Variants in THYN1 observed in about 807,000 individuals in gnomAD.
THYN1 encodes thymocyte nuclear protein 1.
THYN1 carries 32 observed loss-of-function variants against 30.6 expected under a neutral mutation model. The ratio of observed to expected loss-of-function variants is 1.05; its 90% CI spans 0.79 to 1.40. The LOEUF (loss-of-function observed/expected upper bound fraction) is 1.40, where lower values mean the gene tolerates loss of function less well. Among genes scored for constraint, THYN1 ranks in the 40% most tolerant of loss-of-function variants. The pLI, the probability that THYN1 is intolerant of heterozygous loss-of-function variation, is 0.00. For missense variants in THYN1, 259 were observed against 272.6 expected (o/e 0.95, Z 0.35); for synonymous variants, 107 against 90.8 (o/e 1.18, Z -1.01).
rs1252721714 is a variant in THYN1 at position 134,249,890 on chromosome 11, C to T, written c.322G>A (p.Gly108Arg). Reference protein sequence around the residue: ...ARNFLRAMKLGEEAFFYHSNC... With the variant: ...ARNFLRAMKLREEAFFYHSNC... ...CTATGGTAGAAGAAGGCTTCTTCTC[C>T]CAGCTTCATGGCTCTAAGGAAGTTC... The change falls in exon 4 of 7, where the codon GGA becomes AGA. Residue 108 changes from glycine to arginine, a missense_variant. Physicochemically the swap from Gly to Arg is moderately radical, Grantham distance 125. Coordinates refer to ENST00000341541, the MANE Select transcript of THYN1 (RefSeq NM_014174.3). The T allele has an allele frequency of 1.2e-6, 2 of 1,614,070 alleles. No homozygotes were observed. The highest frequency in any genetic ancestry group is 8.5e-7 in the Non-Finnish European group (1 of 1,179,982).
At chr11:134,250,069 C>A in intron 3 of THYN1, 149 bp from the exon 4 acceptor site, 1 of 981,200 alleles carries the variant, frequency 1.0e-6, no homozygotes, top group Non-Finnish European at 1.5e-6. Flanking sequence ...GCCAGGACAC[C>A]CAGACTTTTA....
At position 134,252,989 on chromosome 11, in the gene THYN1, G is replaced by T; in HGVS notation, c.-107C>A. On this transcript the variant is annotated 5_prime_UTR_variant, in exon 1 of 7. Coordinates refer to ENST00000341541, the MANE Select transcript of THYN1 (RefSeq NM_014174.3). ...CCGCGCAGAGCGAGATGGAGGCAAC[G>T]AGAGGCAGCCTAGAACGTCTCCAAC... The T allele has an allele frequency of 6.7e-7, 1 of 1,483,616 alleles. No homozygotes were observed. Among genetic ancestry groups the T allele is most frequent in the Non-Finnish European group, 8.9e-7 (1 of 1,121,390 alleles). 91.9% of individuals were successfully genotyped at this position (1,483,616 alleles called of 1,614,324 possible).
At position 134,252,843 on chromosome 11, in the gene THYN1, A is replaced by T. The variant is rs1939175109; in HGVS notation, c.40T>A (p.Ser14Thr). ...PRKRLAGTSG[S>T]DKGLSGKRTK... ...GTGCAGCCTAGGGGCAGCTCACCTG[A>T]ACCAGAAGTCCCAGCCAGCCTCTTC... Residue 14 changes from serine to threonine, a missense_variant, in exon 1 of 7, where the codon TCA becomes ACA. By Grantham distance (58) the Ser-to-Thr change is moderately conservative. Coordinates refer to ENST00000341541, the MANE Select transcript of THYN1 (RefSeq NM_014174.3). 6.2e-7 allele frequency: 1 copy of T among 1,612,126 alleles called. No individual in the cohort carries two copies. Among genetic ancestry groups the T allele is most frequent in the Non-Finnish European group, 8.5e-7 (1 of 1,179,464 alleles).
In THYN1 at chr11:134,252,823, GC is replaced by G; in HGVS notation, c.43+16del. The G allele has an allele frequency of 6.2e-7, 1 of 1,613,702 alleles. No individual in the cohort carries two copies. On this transcript the variant is annotated intron_variant, in intron 1 of 6. Coordinates refer to ENST00000341541, the MANE Select transcript of THYN1 (RefSeq NM_014174.3). ...TTTTTTCTTGGGCTGCCTTTGTGCA[GC>G]CTAGGGGCAGCTCACCTGAACCAGA...
chr11:134,253,322 C>T lies in THYN1; in HGVS notation c.-440G>A. On this transcript the variant is annotated 5_prime_UTR_variant, in exon 1 of 7. Coordinates refer to ENST00000341541, the MANE Select transcript of THYN1 (RefSeq NM_014174.3). ...ACCCAACACTCTGCAGACTCGACTG[C>T]GGTCCGCCTCCGCTGCGCCGCAGGC... 7.2e-7 allele frequency: 1 copy of T among 1,398,588 alleles called. No homozygotes were observed. Among genetic ancestry groups the T allele is most frequent in the Non-Finnish European group, 9.3e-7 (1 of 1,077,162 alleles). The allele number at this position is 1,398,588 out of a possible 1,614,324, so 86.6% of individuals were successfully genotyped here.
chr11:134,252,935 C>A lies in THYN1; in HGVS notation c.-53G>T, dbSNP rs527633023. ...GACGATTCTGGAATCAACGGAGATACAAGAAAGAATGCTAATGTCCTCCAA... is the reference window on the plus strand; with the variant it reads ...GACGATTCTGGAATCAACGGAGATAAAAGAAAGAATGCTAATGTCCTCCAA... On this transcript the variant is annotated 5_prime_UTR_variant, in exon 1 of 7. Transcript: ENST00000341541. The A allele has an allele frequency of 2.6e-6, 4 of 1,530,260 alleles. No homozygotes were observed. Among genetic ancestry groups the A allele is most frequent in the South Asian group, 2.5e-5 (2 of 81,078 alleles). 94.8% of individuals were successfully genotyped at this position (1,530,260 alleles called of 1,614,324 possible). A position where few individuals can be genotyped will look rare whatever the true frequency, so the allele number is the denominator to read the frequency against.
In THYN1 at chr11:134,253,193, T is replaced by C. The variant is rs948483273; in HGVS notation, c.-311A>G. The C allele has an allele frequency of 6.0e-6, 8 of 1,328,804 alleles. No homozygotes were observed. The highest frequency in any genetic ancestry group is 7.7e-6 in the Non-Finnish European group (8 of 1,042,276). 82.3% of individuals were successfully genotyped at this position (1,328,804 alleles called of 1,614,324 possible). A position where few individuals can be genotyped will look rare whatever the true frequency, so the allele number is the denominator to read the frequency against. On this transcript the variant is annotated 5_prime_UTR_variant, in exon 1 of 7. Transcript: ENST00000341541. ...TGGGAAGTGGCTCCACAGAGACACTTTTGTTGGGTGAATATAAGTAAGCCT... is the reference window on the plus strand; with the variant it reads ...TGGGAAGTGGCTCCACAGAGACACTCTTGTTGGGTGAATATAAGTAAGCCT...
At chr11:134,252,305 G>A (rs1349975155) in intron 1 of THYN1, among the ~76,000 whole-genome samples, 1 of 152,068 alleles carries the variant, frequency 6.6e-6, no homozygotes, top group Non-Finnish European at 1.5e-5. Context: ...AGTATATCTG[G>A]AACCCCTGTC....
Position 134,248,893 on chromosome 11 carries a change from G to C in THYN1, c.547C>G (p.Gln183Glu), listed in dbSNP as rs1938910412. The change falls in exon 6 of 7, where the codon CAA (glutamine) becomes GAA (glutamate). Residue 183 changes from glutamine (Q) to glutamate (E), a missense_variant. Gln to Glu is a conservative substitution (Grantham distance 29, BLOSUM62 2). Coordinates refer to ENST00000341541, the MANE Select transcript of THYN1 (RefSeq NM_014174.3). Reference protein sequence around the residue: ...IPLAELKSYHQAHKATGGPLK... With the variant: ...IPLAELKSYHEAHKATGGPLK... ...GGGCCACCAGTAGCTTTGTGAGCTT[G>C]ATGATAGGATTTGAGCTCAGCCAGG... 1 of 1,613,960 alleles carries C rather than the reference G, an allele frequency of 6.2e-7. No individual in the cohort carries two copies. The highest frequency in any genetic ancestry group is 8.5e-7 in the Non-Finnish European group (1 of 1,179,788).
chr11:134,248,494 A>G lies in THYN1; in HGVS notation c.632-10T>C, dbSNP rs1000463529. 6.2e-7 allele frequency: 1 copy of G among 1,614,046 alleles called. No homozygotes were observed. The highest frequency in any genetic ancestry group is 8.5e-7 in the Non-Finnish European group (1 of 1,179,992). ...ACAAAATCAAACTCTTCTACAAAAA[A>G]AAAAGGGAAAAAGGAAGGATTAGTT... On this transcript the variant is annotated splice_polypyrimidine_tract_variant and intron_variant, in intron 6 of 6. Transcript: ENST00000341541.
At chr11:134,249,729 G>T in intron 4 of THYN1, 99 bp downstream of exon 4, 1 of 1,158,552 alleles carries the variant, frequency 8.6e-7, no homozygotes, top group Non-Finnish European at 1.2e-6. Context: ...GGGGGGGAGT[G>T]TACTTTTTTG....
intron 1 of THYN1, 99 bp from the exon 2 acceptor site, chr11:134,251,407 A>G: frequency 7.7e-7 from 1 of 1,304,476 alleles, no homozygotes; most frequent in Non-Finnish European, 1.1e-6. Flanking sequence ...GATTCAAATC[A>G]TGGATCCATT....
rs183185765 is a variant in THYN1, at chr11:134,253,188, A to G, written c.-306T>C. On this transcript the variant is annotated 5_prime_UTR_variant, in exon 1 of 7. Transcript: ENST00000341541. ...TTCACTGGGAAGTGGCTCCACAGAG[A>G]CACTTTTGTTGGGTGAATATAAGTA... 7.5e-7 allele frequency: 1 copy of G among 1,328,844 alleles called. No individual in the cohort carries two copies. Among genetic ancestry groups the G allele is most frequent in the Non-Finnish European group, 9.6e-7 (1 of 1,042,460 alleles). The allele number at this position is 1,328,844 out of a possible 1,614,324, so 82.3% of individuals were successfully genotyped here.
rs1211877722 is a variant in THYN1, at chr11:134,253,316, C to T, written c.-434G>A. 16 of 1,397,832 alleles carry T rather than the reference C, an allele frequency of 1.1e-5. No homozygotes were observed. The South Asian group carries it at 2.3e-4, about 20-fold the overall frequency. 86.6% of individuals were successfully genotyped at this position (1,397,832 alleles called of 1,614,324 possible). A position where few individuals can be genotyped will look rare whatever the true frequency, so the allele number is the denominator to read the frequency against. ...CTACAGACCCAACACTCTGCAGACT[C>T]GACTGCGGTCCGCCTCCGCTGCGCC... On this transcript the variant is annotated 5_prime_UTR_variant, in exon 1 of 7. Transcript: ENST00000341541.
chr11:134,250,078 T>TA (rs1938979480), intron 3 of THYN1, among the ~76,000 whole-genome samples, 158 bp from the exon 4 acceptor site: 1 of 152,224 alleles, frequency 6.6e-6, no homozygotes, highest in South Asian at 2.1e-4. Flanking sequence ...CCCAGACTTT[T>TA]ACCAGGACAT....
rs1209718863 is a variant in THYN1 at position 134,250,517 on chromosome 11, A to C, written c.223-174T>G. Among the ~76,000 whole-genome samples, 6 of 152,168 alleles carry C rather than the reference A, an allele frequency of 3.9e-5. No homozygotes were observed. In the East Asian group the frequency reaches 1.2e-3, roughly 29 times the overall value. Reference sequence around the variant, plus strand: ...ACACTTTTGCTGGGTGAATGTAAGTAAGCCTTGTGTTACCTTGTTATCCTT... The same window carrying C: ...ACACTTTTGCTGGGTGAATGTAAGTCAGCCTTGTGTTACCTTGTTATCCTT... On this transcript the variant is annotated intron_variant, in intron 2 of 6. Coordinates refer to ENST00000341541, the MANE Select transcript of THYN1 (RefSeq NM_014174.3).
rs1361725382 is a variant in THYN1 at position 134,251,296 on chromosome 11, G to C, written c.56C>G (p.Ser19Ter). 1.9e-6 allele frequency: 3 copies of C among 1,612,156 alleles called. No individual in the cohort carries two copies. In the South Asian group the frequency reaches 3.3e-5, roughly 18 times the overall value. ...AGTSGSDKGL[S>*]GKRTKTENSG... Reference sequence around the variant, plus strand: ...GTTCTCAGTTTTGGTGCGTTTTCCTGATAGTCCCTTGTCTGCAATAGGAGA... The same window carrying C: ...GTTCTCAGTTTTGGTGCGTTTTCCTCATAGTCCCTTGTCTGCAATAGGAGA... The change falls in exon 2 of 7, where the codon TCA (serine) becomes TGA (stop). Residue 19 changes from serine (S) to a stop codon, truncating the protein, a stop_gained. Coordinates refer to ENST00000341541, the MANE Select transcript of THYN1 (RefSeq NM_014174.3). LOFTEE classifies it high-confidence loss of function.
intron 1 of THYN1, among the ~76,000 whole-genome samples, chr11:134,252,403 C>G (rs993160293): frequency 2.0e-5 from 3 of 152,192 alleles, no homozygotes; most frequent in African/African-American, 7.2e-5. Flanking sequence ...ATTATAAAAA[C>G]GACATCACGT....
chr11:134,251,461 A>C, intron 1 of THYN1, 153 bp from the exon 2 acceptor site: 1 of 845,046 alleles, frequency 1.2e-6, no homozygotes, highest in East Asian at 2.5e-5. Flanking sequence ...AGCTTTCCTT[A>C]TCTATAAAAA....
Sources: gnomAD v4.1 joint callset for allele counts (sites outside exome capture counted in the v4.1 genomes callset) on GRCh38, gnomAD v4.1.1 for gene constraint, MANE v1.5 for transcripts, NCBI Gene and HGNC (gene_info 2026-07-23, HGNC 2026-07-21) for gene names.